RPRD2: variants seen among roughly 807,000 people sequenced by gnomAD.
RPRD2 encodes regulation of nuclear pre-mRNA domain containing 2.
Under a neutral mutation model 104.4 loss-of-function variants are expected in RPRD2, and 12 were observed. The ratio of observed to expected loss-of-function variants is 0.11; its 90% confidence interval spans 0.07 to 0.19. The LOEUF (loss-of-function observed/expected upper bound fraction) is 0.19, where lower values mean the gene tolerates loss of function less well. RPRD2 is among the 10% of genes least tolerant of loss of function. RPRD2 has a pLI of 1.00. For missense variants in RPRD2, 1,543 were observed against 1,790.1 expected (o/e 0.86, Z 2.49); for synonymous variants, 714 against 684.9 (o/e 1.04, Z -0.66).
chr1:150,452,566 G>T (rs1336187160), intron 7 of RPRD2, among the ~76,000 whole-genome samples: 1 of 148,412 alleles, frequency 6.7e-6, no homozygotes, highest in Non-Finnish European at 1.5e-5. Flanking sequence ...TTTACTCACT[G>T]TTTTAATTCA....
chr1:150,364,707 C>T lies in RPRD2; in HGVS notation c.-8C>T, dbSNP rs782454772. On this transcript the variant is annotated 5_prime_UTR_variant, in exon 1 of 11. Transcript: ENST00000369068. Reference sequence around the variant, plus strand: ...AGAGGAGCAGCAGCGCTTGTGCAAACCGGGAAGATGGCGGCCGGCGGCGGC... The same window carrying T: ...AGAGGAGCAGCAGCGCTTGTGCAAATCGGGAAGATGGCGGCCGGCGGCGGC... The T allele has an allele frequency of 2.6e-6, 4 of 1,548,264 alleles. No individual in the cohort carries two copies. The highest frequency in any genetic ancestry group is 3.5e-6 in the Non-Finnish European group (4 of 1,141,886).
chr1:150,369,582 G>A (rs1467120048), intron 1 of RPRD2, among the ~76,000 whole-genome samples: 6 of 140,260 alleles, frequency 4.3e-5, no homozygotes, highest in Admixed American at 3.0e-4. Context: ...TCAGCCTCCC[G>A]AGCAGCTGGG....
intron 1 of RPRD2, among the ~76,000 whole-genome samples, chr1:150,374,437 A>T (rs1461777636): frequency 6.6e-6 from 1 of 152,158 alleles, no homozygotes; most frequent in Non-Finnish European, 1.5e-5. Flanking sequence ...TGCTCAAGCA[A>T]ATTAATGGAA....
At position 150,431,473 on chromosome 1, in the gene RPRD2, A is replaced by ATTTTTTTTTTTTTTTTTTTTT. The variant is rs1160491386; in HGVS notation, c.336-9446_336-9426dup. Among the ~76,000 whole-genome samples the ATTTTTTTTTTTTTTTTTTTTT allele has an allele frequency of 4.5e-3, 355 of 78,766 alleles. 24 individuals are homozygous for ATTTTTTTTTTTTTTTTTTTTT. Among genetic ancestry groups the ATTTTTTTTTTTTTTTTTTTTT allele is most frequent in the South Asian group, 1.0e-2 (16 of 1,606 alleles). The allele number at this position is 78,766 out of a possible 152,430, so 51.7% of individuals were successfully genotyped here. A position where few individuals can be genotyped will look rare whatever the true frequency, so the allele number is the denominator to read the frequency against. On this transcript the variant is annotated intron_variant, in intron 2 of 10. Coordinates refer to ENST00000369068, the MANE Select transcript of RPRD2 (RefSeq NM_015203.5). ...TATTATTCAGTCTTAAAAAGGAAGG[A>ATTTTTTTTTTTTTTTTTTTTT]TTTTTTTTTTTTTTTTTTTTTTTTG...
chr1:150,406,390 C>G (rs1268302568), intron 1 of RPRD2, among the ~76,000 whole-genome samples: 2 of 152,164 alleles, frequency 1.3e-5, no homozygotes, highest in Non-Finnish European at 1.5e-5. Flanking sequence ...CTCTCACACT[C>G]TGGCTTAGTA....
At chr1:150,468,703 C>T (rs1219216907) in intron 10 of RPRD2, among the ~76,000 whole-genome samples, 1 of 152,018 alleles carries the variant, frequency 6.6e-6, no homozygotes, top group African/African-American at 2.4e-5. Flanking sequence ...ATGGTGAGAC[C>T]TTGTCTCTAC....
intron 7 of RPRD2, among the ~76,000 whole-genome samples, chr1:150,452,661 C>CTTTTTTTTT (rs782322743): frequency 3.5e-4 from 25 of 71,238 alleles, no homozygotes; most frequent in African/African-American, 8.0e-4. Context: ...GACATATCCC[C>CTTTTTTTTT]TTTTTTTTTT....
intron 1 of RPRD2, among the ~76,000 whole-genome samples, chr1:150,379,555 A>C (rs1660976940): frequency 6.6e-6 from 1 of 151,994 alleles, no homozygotes; most frequent in Non-Finnish European, 1.5e-5. Flanking sequence ...GGCATGTGCC[A>C]CCATGCCCGG....
At chr1:150,387,566 CCTTTTTTTTTTTTTTTTTTTTTTTTTT>C (rs1661669522) in intron 1 of RPRD2, among the ~76,000 whole-genome samples, 3 of 70,116 alleles carry the variant, frequency 4.3e-5, no homozygotes, top group Non-Finnish European at 5.9e-5. Context: ...TTGCAACAGA[CCTTTTTTTTTTTTTTTTTTTTTTTTTT>C]TTTTTTTTTT....
intron 7 of RPRD2, among the ~76,000 whole-genome samples, chr1:150,448,529 A>G (rs587696383): frequency 6.6e-6 from 1 of 152,270 alleles, no homozygotes; most frequent in Non-Finnish European, 1.5e-5. Context: ...CTATAATCAT[A>G]CTTAATTACT....
chr1:150,464,385 T>C, intron 9 of RPRD2, 142 bp from the exon 10 acceptor site: 1 of 515,958 alleles, frequency 1.9e-6, no homozygotes, highest in East Asian at 3.3e-5. Context: ...TTTTTGTACA[T>C]GTCATGTTAT....
Position 150,443,695 on chromosome 1 carries a change from G to A in RPRD2, c.567+412G>A, listed in dbSNP as rs1378505857. 3.3e-5 allele frequency among the ~76,000 whole-genome samples: 5 copies of A among 152,248 alleles called. No homozygotes were observed. In the East Asian group the frequency reaches 5.8e-4, roughly 18 times the overall value. ...CCATAAATTAGCTTTGTGTAATGAA[G>A]GAAAAGGATCTTTTAAAGTCTGTAA... On this transcript the variant is annotated intron_variant, in intron 5 of 10. Coordinates refer to ENST00000369068, the MANE Select transcript of RPRD2 (RefSeq NM_015203.5).
chr1:150,367,681 C>G (rs906592627), intron 1 of RPRD2, among the ~76,000 whole-genome samples: 3 of 150,530 alleles, frequency 2.0e-5, no homozygotes, highest in African/African-American at 7.3e-5. Flanking sequence ...GAGAAATAGG[C>G]TATCTAAGGA....
intron 9 of RPRD2, among the ~76,000 whole-genome samples, chr1:150,461,217 G>C (rs1667911351): frequency 2.0e-5 from 3 of 150,830 alleles, no homozygotes; most frequent in Admixed American, 2.0e-4. Context: ...AATATAGTGA[G>C]ACCCTATCTC....
chr1:150,416,018 G>T (rs1017727364), intron 1 of RPRD2, among the ~76,000 whole-genome samples: 1 of 152,196 alleles, frequency 6.6e-6, no homozygotes, highest in South Asian at 2.1e-4. Flanking sequence ...CTAAGCACAT[G>T]TGGAGGGACT....
At chr1:150,466,027 AAAAAAAAT>A (rs59390068) in intron 10 of RPRD2, among the ~76,000 whole-genome samples, 43,836 of 147,100 alleles carry the variant, frequency 0.3, 7,172 homozygotes, top group Non-Finnish European at 0.39. Context: ...AAAAAAAAAA[AAAAAAAAT>A]TTTTTTATGA....
chr1:150,426,123 AG>A (rs1354361744), intron 2 of RPRD2, among the ~76,000 whole-genome samples: 1 of 152,162 alleles, frequency 6.6e-6, no homozygotes, highest in African/African-American at 2.4e-5. Flanking sequence ...AAACAAAAAA[AG>A]GGATGCCACT....
intron 9 of RPRD2, among the ~76,000 whole-genome samples, chr1:150,461,976 C>T: frequency 6.9e-6 from 1 of 145,816 alleles, no homozygotes; most frequent in East Asian, 2.1e-4. Context: ...TACTCCGTCT[C>T]AAAAAAAAAC....
intron 1 of RPRD2, among the ~76,000 whole-genome samples, chr1:150,374,907 C>G (rs1468350499): frequency 1.3e-5 from 2 of 152,004 alleles, no homozygotes; most frequent in East Asian, 3.9e-4. Context: ...CGTATTTTTA[C>G]TCTTGGTTTA....
Sources: gnomAD v4.1 joint callset for allele counts (sites outside exome capture counted in the v4.1 genomes callset) on GRCh38, gnomAD v4.1.1 for gene constraint, MANE v1.5 for transcripts, NCBI Gene and HGNC (gene_info 2026-07-23, HGNC 2026-07-21) for gene names.